The following ITPRID2 variants were observed in gnomAD, a reference collection of about 807,000 sequenced individuals.
ITPRID2 encodes protein ITPRID2.
In ITPRID2, 60 loss-of-function variants were observed where a neutral mutation model predicts 124.3. That is an observed-to-expected ratio of 0.48 (90% CI 0.39 to 0.60). The LOEUF is 0.60. Ranked by LOEUF, ITPRID2 falls within the 20% of genes least tolerant of loss-of-function variation. The pLI, the probability that ITPRID2 is intolerant of heterozygous loss-of-function variation, is 0.00. For synonymous variants in ITPRID2, 521 were observed against 542.9 expected (o/e 0.96, Z 0.56); for missense variants, 1,553 against 1,512.2 (o/e 1.03, Z -0.45).
chr2:181,916,957 A>G, intron 11 of ITPRID2: 1 of 987,420 alleles, frequency 1.0e-6, no homozygotes, highest in Non-Finnish European at 1.2e-6. Flanking sequence ...GTCTACTTCC[A>G]CTGGACTCAA....
chr2:181,919,358 A>G lies in ITPRID2; in HGVS notation c.3056A>G (p.Glu1019Gly). Reference protein sequence around the residue: ...NSVRMELQDLELQLEERLLGL... With the variant: ...NSVRMELQDLGLQLEERLLGL... Reference sequence around the variant, plus strand: ...GTCCGAATGGAACTTCAGGACCTGGAACTGCAGCTGGAGGAGCGCCTGCTG... The same window carrying G: ...GTCCGAATGGAACTTCAGGACCTGGGACTGCAGCTGGAGGAGCGCCTGCTG... Residue 1019 changes from glutamate (E) to glycine (G), a missense_variant, in exon 14 of 18, where the codon GAA becomes GGA. Coordinates refer to ENST00000431877, the MANE Select transcript of ITPRID2 (RefSeq NM_001130445.3). This position sits in a 1 kb window ranked among gnomAD's most constrained non-coding sequence, Gnocchi z 4.2. 1.2e-6 allele frequency: 2 copies of G among 1,614,136 alleles called. No individual in the cohort carries two copies. Among genetic ancestry groups the G allele is most frequent in the Non-Finnish European group, 8.5e-7 (1 of 1,180,018 alleles).
chr2:181,900,713 A>T lies in ITPRID2; in HGVS notation c.521A>T (p.Glu174Val), dbSNP rs773524999. The T allele has an allele frequency of 6.2e-7, 1 of 1,605,318 alleles. No homozygotes were observed. Among genetic ancestry groups the T allele is most frequent in the Non-Finnish European group, 8.5e-7 (1 of 1,176,870 alleles). ...TTTTGTAGTGTTTCAGAATTGTTGG[A>T]ACTTTATGAGGAAGATCCTGAAGAA... ...GTVSSVSELLELYEEDPEEIL... is the reference protein window; with the variant it reads ...GTVSSVSELLVLYEEDPEEIL... The change falls in exon 7 of 18, where the codon GAA becomes GTA. Residue 174 changes from glutamate to valine, a missense_variant. Glu to Val is a moderately radical substitution (Grantham distance 121, BLOSUM62 -2). Transcript: ENST00000431877.
In ITPRID2 at chr2:181,919,559, C is replaced by A; in HGVS notation, c.3144+113C>A. ...TCATTTATTTTAATGGTATTAAAAG[C>A]ATGCATACTGTTTAAGGAGCTTTCC... On this transcript the variant is annotated intron_variant, in intron 14 of 17. Transcript: ENST00000431877. The surrounding 1 kb of genome is among the most constrained non-coding windows in gnomAD (Gnocchi z 4.2). 1 of 1,154,926 alleles carries A rather than the reference C, an allele frequency of 8.7e-7. No individual in the cohort carries two copies. The highest frequency in any genetic ancestry group is 1.2e-6 in the Non-Finnish European group (1 of 851,052). 71.5% of individuals were successfully genotyped at this position (1,154,926 alleles called of 1,614,324 possible).
chr2:181,922,060 A>G lies in ITPRID2; in HGVS notation c.3323A>G (p.Gln1108Arg), dbSNP rs1694515891. Residue 1108 changes from glutamine to arginine, a missense_variant, in exon 16 of 18, where the codon CAA becomes CGA. Transcript: ENST00000431877. ...GAAAGCTCAGAATCTGTTTTTTCCC[A>G]AGCAACATCAGAATCATCTTCTGTA... is the stretch of plus-strand genomic sequence containing the variant. ...PGESSESVFS[Q>R]ATSESSSVCS... 6.2e-7 allele frequency: 1 copy of G among 1,614,240 alleles called. No individual in the cohort carries two copies. Among genetic ancestry groups the G allele is most frequent in the Non-Finnish European group, 8.5e-7 (1 of 1,180,042 alleles).
chr2:181,906,383 A>G (rs369996082), intron 8 of ITPRID2, among the ~76,000 whole-genome samples: 13 of 152,176 alleles, frequency 8.5e-5, no homozygotes, highest in Admixed American at 6.6e-4. Context: ...TTTGACTTAC[A>G]GTTACATTTG....
In ITPRID2 at chr2:181,910,757, C is replaced by A. The variant is rs1693542313; in HGVS notation, c.1486+786C>A. 3 of 517,434 alleles carry A rather than the reference C, an allele frequency of 5.8e-6. No individual in the cohort carries two copies. Among genetic ancestry groups the A allele is most frequent in the South Asian group, 3.3e-5 (1 of 29,916 alleles). The allele number at this position is 517,434 out of a possible 1,614,324, so 32.1% of individuals were successfully genotyped here. A position where few individuals can be genotyped will look rare whatever the true frequency, so the allele number is the denominator to read the frequency against. On this transcript the variant is annotated intron_variant, in intron 9 of 17. Transcript: ENST00000431877. The surrounding 1 kb of genome is among the most constrained non-coding windows in gnomAD (Gnocchi z 4.1). ...TGTTGTCTCCTGATCTCTGAAATTA[C>A]TTCACAGGAGACAATTTGCATAAAT...
rs375050608 is a variant in ITPRID2, at chr2:181,918,487, T to C, written c.2788-111T>C. ...AATATGAAGGTTTTTTGGATCCTTTTGTCTTAAAGAGAAAAATATATAGGC... is the reference window on the plus strand; with the variant it reads ...AATATGAAGGTTTTTTGGATCCTTTCGTCTTAAAGAGAAAAATATATAGGC... On this transcript the variant is annotated intron_variant, in intron 11 of 17. Coordinates refer to ENST00000431877, the MANE Select transcript of ITPRID2 (RefSeq NM_001130445.3). The C allele has an allele frequency of 3.8e-4, 577 of 1,501,732 alleles. 8 individuals are homozygous for C. In the South Asian group the frequency reaches 7.7e-3, roughly 20 times the overall value. The allele number at this position is 1,501,732 out of a possible 1,614,324, so 93.0% of individuals were successfully genotyped here.
chr2:181,926,920 A>G (rs545355837), intron 16 of ITPRID2, among the ~76,000 whole-genome samples: 1 of 152,264 alleles, frequency 6.6e-6, no homozygotes, highest in East Asian at 1.9e-4. Flanking sequence ...CTGGTTTTTA[A>G]AATATTTGTA....
chr2:181,906,052 T>C (rs747557502), intron 8 of ITPRID2, among the ~76,000 whole-genome samples: 2 of 152,212 alleles, frequency 1.3e-5, no homozygotes, highest in Non-Finnish European at 2.9e-5. Flanking sequence ...TAAAAATAAA[T>C]GATATTTTTG....
Position 181,915,667 on chromosome 2 carries a change from T to C in ITPRID2, c.2027T>C (p.Met676Thr), listed in dbSNP as rs377226822. The change falls in exon 11 of 18, where the codon ATG becomes ACG. Residue 676 changes from methionine (M) to threonine (T), a missense_variant. Coordinates refer to ENST00000431877, the MANE Select transcript of ITPRID2 (RefSeq NM_001130445.3). ...LASIEAKCSD[M>T]SSENTTGPPS... is the part of the protein sequence containing the mutation. Reference sequence around the variant, plus strand: ...TCTATTGAAGCTAAATGCAGTGATATGAGCTCTGAAAATACAACTGGGCCT... The same window carrying C: ...TCTATTGAAGCTAAATGCAGTGATACGAGCTCTGAAAATACAACTGGGCCT... 1.2e-5 allele frequency: 20 copies of C among 1,614,092 alleles called. No homozygotes were observed. The highest frequency in any genetic ancestry group is 3.3e-4 in the Middle Eastern group (2 of 6,084).
chr2:181,921,968 G>GTT lies in ITPRID2; in HGVS notation c.3231_3232insTT (p.Gln1078PhefsTer5). Reference sequence around the variant, plus strand: ...TCCAGGTCACTGAACTGATGCAGGAGCAGTCATACCTGAAGTCTGAATTGG... The same window carrying GTT: ...TCCAGGTCACTGAACTGATGCAGGAGTTCAGTCATACCTGAAGTCTGAATTGG... On this transcript the variant is annotated frameshift_variant, in exon 16 of 18. Transcript: ENST00000431877. LOFTEE classifies it high-confidence loss of function. The GTT allele has an allele frequency of 1.2e-6, 2 of 1,614,108 alleles. No homozygotes were observed. The highest frequency in any genetic ancestry group is 3.3e-5 in the Admixed American group (2 of 60,014).
rs754116618 is a variant in ITPRID2 at position 181,899,404 on chromosome 2, CTTGTAG to C, written c.503+299_503+304del. ...AAAGAGGAACTCCATAGCGGAGTAA[CTTGTAG>C]TTGTAGAGAACCAAAATTCATTGTT... On this transcript the variant is annotated intron_variant, in intron 6 of 17. Coordinates refer to ENST00000431877, the MANE Select transcript of ITPRID2 (RefSeq NM_001130445.3). Among the ~76,000 whole-genome samples, 17 of 152,270 alleles carry C rather than the reference CTTGTAG, an allele frequency of 1.1e-4. No individual in the cohort carries two copies. The South Asian group carries it at 1.2e-3, about 11-fold the overall frequency.
At chr2:181,900,635 G>T (rs1692584573) in intron 6 of ITPRID2, 61 bp from the exon 7 acceptor site, 1 of 1,147,708 alleles carries the variant, frequency 8.7e-7, no homozygotes, top group Non-Finnish European at 1.3e-6. Flanking sequence ...TTATAATGTG[G>T]TGTGGACTAT....
At chr2:181,912,700 T>C (rs1466586981) in intron 9 of ITPRID2, among the ~76,000 whole-genome samples, 1 of 152,210 alleles carries the variant, frequency 6.6e-6, no homozygotes, top group Admixed American at 6.5e-5. Flanking sequence ...AACTTTGCTG[T>C]CTCTTGAAGC....
chr2:181,900,354 A>T (rs1007605564), intron 6 of ITPRID2, among the ~76,000 whole-genome samples: 3 of 152,120 alleles, frequency 2.0e-5, no homozygotes, highest in Non-Finnish European at 2.9e-5. Context: ...CTTATTCTTC[A>T]TCATCTGTCT....
At chr2:181,899,454 T>G (rs1375649427) in intron 6 of ITPRID2, among the ~76,000 whole-genome samples, 1 of 152,180 alleles carries the variant, frequency 6.6e-6, no homozygotes, top group Non-Finnish European at 1.5e-5. Flanking sequence ...GAGTTAACTC[T>G]GACACAAAAA....
intron 6 of ITPRID2, among the ~76,000 whole-genome samples, chr2:181,900,442 TCTGA>T (rs955684057): frequency 6.6e-6 from 1 of 152,182 alleles, no homozygotes; most frequent in Non-Finnish European, 1.5e-5. Flanking sequence ...GTAGGGAATC[TCTGA>T]CTGTGTTCGT....
At chr2:181,923,314 G>T (rs1395645908) in intron 16 of ITPRID2, among the ~76,000 whole-genome samples, 1 of 152,176 alleles carries the variant, frequency 6.6e-6, no homozygotes, top group Non-Finnish European at 1.5e-5. Context: ...TGTGAAATTT[G>T]CTGTATATGC....
rs199858839 is a variant in ITPRID2 at position 181,919,437 on chromosome 2, C to T, written c.3135C>T (p.Ser1045=). 2.5e-5 allele frequency: 40 copies of T among 1,590,928 alleles called. No individual in the cohort carries two copies. The highest frequency in any genetic ancestry group is 1.1e-4 in the South Asian group (10 of 88,326). The change falls in exon 14 of 18, where the codon TCC becomes TCT. Residue 1045 remains serine, a synonymous_variant. Transcript: ENST00000431877. This position sits in a 1 kb window ranked among gnomAD's most constrained non-coding sequence, Gnocchi z 4.2. ...AVRMPSPFRS[S]ALMGMCGSRS... ...GCATGCCTTCACCCTTCCGCTCCTCCGCACTCATGGTACGCTACCTGGAGG... is the reference window on the plus strand; with the variant it reads ...GCATGCCTTCACCCTTCCGCTCCTCTGCACTCATGGTACGCTACCTGGAGG...
Sources: allele counts gnomAD v4.1 joint callset (sites outside exome capture counted in the v4.1 genomes callset), GRCh38; gene constraint gnomAD v4.1.1; non-coding constraint Gnocchi (gnomAD v3.1); transcripts MANE v1.5; gene names NCBI Gene and HGNC (gene_info 2026-07-23, HGNC 2026-07-21).